CMTM5: variants seen among roughly 807,000 people sequenced by gnomAD.
CMTM5 encodes CKLF-like MARVEL transmembrane domain-containing protein 5.
CMTM5 carries 25 observed loss-of-function variants against 26.9 expected under a neutral mutation model. The observed-to-expected ratio is 0.93, with a 90% CI of 0.68 to 1.30. The LOEUF (loss-of-function observed/expected upper bound fraction) is 1.30. Among genes scored for constraint, CMTM5 ranks in the 50% most tolerant of loss-of-function variants. The probability of loss-of-function intolerance (pLI) is 0.00; values close to 1 mark genes in which losing one functional copy is unlikely to be tolerated. For missense variants in CMTM5, 292 were observed against 289.6 expected (o/e 1.01, Z -0.06); for synonymous variants, 98 against 115.5 (o/e 0.85, Z 0.97).
rs774174940 is a variant in CMTM5 at position 23,378,894 on chromosome 14, G to A, written c.480+25G>A. On this transcript the variant is annotated intron_variant, in intron 3 of 5. Coordinates refer to ENST00000339180, the MANE Select transcript of CMTM5 (RefSeq NM_001288746.2). The surrounding 1 kb of genome is among the most constrained non-coding windows in gnomAD (Gnocchi z 4.2). ...TGTGAGCGCTCTGTCTCTTGAATGT[G>A]CTTCATATTGTGTGAGGGGTATCCT... is the stretch of plus-strand genomic sequence containing the variant. The A allele has an allele frequency of 6.2e-7, 1 of 1,611,720 alleles. No individual in the cohort carries two copies.
intron 5 of CMTM5, 26 bp from the exon 6 acceptor site, chr14:23,379,448 G>C (rs1410193433): frequency 6.2e-7 from 1 of 1,613,946 alleles, no homozygotes; most frequent in Non-Finnish European, 8.5e-7. Flanking sequence ...CCTGATGTGG[G>C]TCCCTACCTG....
rs529542865 is a variant in CMTM5, at chr14:23,378,063, C to T, written c.127-286C>T. ...CCAGGGGCTGGCATTCACACTGTACCTATGAATTACTGTGGGATAGTGCTC... is the reference window on the plus strand; with the variant it reads ...CCAGGGGCTGGCATTCACACTGTACTTATGAATTACTGTGGGATAGTGCTC... On this transcript the variant is annotated intron_variant, in intron 1 of 5. Transcript: ENST00000339180. This position sits in a 1 kb window ranked among gnomAD's most constrained non-coding sequence, Gnocchi z 4.2. The T allele has an allele frequency of 7.4e-5, 35 of 474,126 alleles. 2 individuals are homozygous for T. The South Asian group carries it at 8.5e-4, about 12-fold the overall frequency. The allele number at this position is 474,126 out of a possible 1,614,324, so 29.4% of individuals were successfully genotyped here.
chr14:23,377,282 CACCCTGAGG>C lies in CMTM5; in HGVS notation c.33_41del (p.His11_Glu14delinsGln). 2 of 1,612,340 alleles carry C rather than the reference CACCCTGAGG, an allele frequency of 1.2e-6. No homozygotes were observed. Among genetic ancestry groups the C allele is most frequent in the Non-Finnish European group, 1.7e-6 (2 of 1,179,282 alleles). ...CAGTGCTCGAGATCGCCGGGACCGG[CACCCTGAGG>C]AGGGGGTAGTTGCAGAGCTCCAGGG... On this transcript the variant is annotated inframe_deletion, in exon 1 of 6. Transcript: ENST00000339180. This position sits in a 1 kb window ranked among gnomAD's most constrained non-coding sequence, Gnocchi z 4.6.
In CMTM5 at chr14:23,377,697, C is replaced by A. The variant is rs56182801; in HGVS notation, c.126+320C>A. 1.4e-5 allele frequency: 4 copies of A among 289,956 alleles called. No homozygotes were observed. The Admixed American group carries it at 1.9e-4, about 14-fold the overall frequency. 18.0% of individuals were successfully genotyped at this position (289,956 alleles called of 1,614,324 possible). A position where few individuals can be genotyped will look rare whatever the true frequency, so the allele number is the denominator to read the frequency against. On this transcript the variant is annotated intron_variant, in intron 1 of 5. Transcript: ENST00000339180. This position sits in a 1 kb window ranked among gnomAD's most constrained non-coding sequence, Gnocchi z 4.6. The stretch of plus-strand genomic sequence containing the variant: ...CCTCTAACATGGCCACTTCTCAGCA[C>A]GTCCAAGAAGTCTAACTATCAAAAA...
At position 23,377,265 on chromosome 14, in the gene CMTM5, G is replaced by A. The variant is rs376601940; in HGVS notation, c.14G>A (p.Arg5Gln). 4.3e-5 allele frequency: 70 copies of A among 1,612,272 alleles called. No individual in the cohort carries two copies. In the Middle Eastern group the frequency reaches 8.2e-4, roughly 19 times the overall value. ...GGCCCTACGAAGATGCTCAGTGCTC[G>A]AGATCGCCGGGACCGGCACCCTGAG... MLSA[R>Q]DRRDRHPEEG... is the part of the protein sequence containing the mutation. The change falls in exon 1 of 6, where the codon CGA becomes CAA. Residue 5 changes from arginine (R) to glutamine (Q), a missense_variant. Physicochemically the swap from Arg to Gln is conservative, Grantham distance 43. Transcript: ENST00000339180. This position sits in a 1 kb window ranked among gnomAD's most constrained non-coding sequence, Gnocchi z 4.6.
chr14:23,378,352 C>G lies in CMTM5; in HGVS notation c.130C>G (p.Leu44Val). 1 of 1,614,024 alleles carries G rather than the reference C, an allele frequency of 6.2e-7. No homozygotes were observed. Among genetic ancestry groups the G allele is most frequent in the Non-Finnish European group, 8.5e-7 (1 of 1,179,978 alleles). ...TTCCACATGCTCGGTCCTGCAGGCC[C>G]TGACCCTCATCATCTTCATCTGCTT... The part of the protein sequence containing the change: ...KGILLETELA[L>V]TLIIFICFTA... The change falls in exon 2 of 6, where the codon CTG becomes GTG. Residue 44 changes from leucine to valine, a missense_variant. Leu to Val is a conservative substitution (Grantham distance 32). Coordinates refer to ENST00000339180, the MANE Select transcript of CMTM5 (RefSeq NM_001288746.2). The surrounding 1 kb of genome is among the most constrained non-coding windows in gnomAD (Gnocchi z 4.2).
At position 23,378,069 on chromosome 14, in the gene CMTM5, A is replaced by G. The variant is rs1224790847; in HGVS notation, c.127-280A>G. 2 of 485,038 alleles carry G rather than the reference A, an allele frequency of 4.1e-6. No homozygotes were observed. Among genetic ancestry groups the G allele is most frequent in the Non-Finnish European group, 7.4e-6 (2 of 270,234 alleles). The allele number at this position is 485,038 out of a possible 1,614,324, so 30.0% of individuals were successfully genotyped here. A position where few individuals can be genotyped will look rare whatever the true frequency, so the allele number is the denominator to read the frequency against. On this transcript the variant is annotated intron_variant, in intron 1 of 5. Transcript: ENST00000339180. This position sits in a 1 kb window ranked among gnomAD's most constrained non-coding sequence, Gnocchi z 4.2. ...GCTGGCATTCACACTGTACCTATGAATTACTGTGGGATAGTGCTCCTGGGA... is the reference window on the plus strand; with the variant it reads ...GCTGGCATTCACACTGTACCTATGAGTTACTGTGGGATAGTGCTCCTGGGA...
At chr14:23,377,045 C>T, upstream of CMTM5, 2 of 607,662 alleles carry the variant, frequency 3.3e-6, no homozygotes, top group Non-Finnish European at 5.6e-6. This position sits in a 1 kb window ranked among gnomAD's most constrained non-coding sequence, Gnocchi z 4.6. Flanking sequence ...GCAGCAGAGG[C>T]ACTCTGGGCA....
At position 23,379,691 on chromosome 14, in the gene CMTM5, G is replaced by GTT; in HGVS notation, c.*204_*205insTT. ...TTCTCATGAAGCTCTGGCCAGAGGA[G>GTT]GGGAACTTATTGGGGGAGGGGGGGT... On this transcript the variant is annotated 3_prime_UTR_variant, in exon 6 of 6. Coordinates refer to ENST00000339180, the MANE Select transcript of CMTM5 (RefSeq NM_001288746.2). 1 of 1,328,778 alleles carries GTT rather than the reference G, an allele frequency of 7.5e-7. No individual in the cohort carries two copies. Among genetic ancestry groups the GTT allele is most frequent in the Non-Finnish European group, 9.9e-7 (1 of 1,007,362 alleles). The allele number at this position is 1,328,778 out of a possible 1,614,324, so 82.3% of individuals were successfully genotyped here.
At position 23,379,515 on chromosome 14, in the gene CMTM5, A is replaced by G. The variant is rs1392732901; in HGVS notation, c.*28A>G. 3 of 1,612,680 alleles carry G rather than the reference A, an allele frequency of 1.9e-6. No homozygotes were observed. In the Admixed American group the frequency reaches 5.0e-5, roughly 27 times the overall value. On this transcript the variant is annotated 3_prime_UTR_variant, in exon 6 of 6. Transcript: ENST00000339180. The stretch of plus-strand genomic sequence containing the variant: ...CTGGGGCTACCTGGCTCCTAGGCCC[A>G]GCCAGCCAGAGAGGACAGTGGAGCC...
rs374724870 is a variant in CMTM5 at position 23,378,875 on chromosome 14, C to A, written c.480+6C>A. On this transcript the variant is annotated splice_donor_region_variant and intron_variant, in intron 3 of 5. Transcript: ENST00000339180. The surrounding 1 kb of genome is among the most constrained non-coding windows in gnomAD (Gnocchi z 4.2). ...TCCACTCCCTGGGTAGCAGTGTGAG[C>A]GCTCTGTCTCTTGAATGTGCTTCAT... The A allele has an allele frequency of 6.2e-7, 1 of 1,612,904 alleles. No homozygotes were observed. The highest frequency in any genetic ancestry group is 1.7e-5 in the Admixed American group (1 of 59,906).
In CMTM5 at chr14:23,377,315, G is replaced by C. The variant is rs930495746; in HGVS notation, c.64G>C (p.Gly22Arg). Residue 22 changes from glycine (G) to arginine (R), a missense_variant, in exon 1 of 6, where the codon GGC becomes CGC. Transcript: ENST00000339180. This position sits in a 1 kb window ranked among gnomAD's most constrained non-coding sequence, Gnocchi z 4.6. Reference protein sequence around the residue: ...PEEGVVAELQGFAVDKAFLTS... With the variant: ...PEEGVVAELQRFAVDKAFLTS... ...GGAGGGGGTAGTTGCAGAGCTCCAGGGCTTCGCGGTGGACAAGGCCTTCCT... is the reference window on the plus strand; with the variant it reads ...GGAGGGGGTAGTTGCAGAGCTCCAGCGCTTCGCGGTGGACAAGGCCTTCCT... 1 of 1,611,236 alleles carries C rather than the reference G, an allele frequency of 6.2e-7. No homozygotes were observed. Among genetic ancestry groups the C allele is most frequent in the East Asian group, 2.2e-5 (1 of 44,648 alleles).
Position 23,379,556 on chromosome 14 carries a change from G to A in CMTM5, c.*69G>A. 1.2e-6 allele frequency: 2 copies of A among 1,606,756 alleles called. No individual in the cohort carries two copies. The highest frequency in any genetic ancestry group is 1.1e-5 in the South Asian group (1 of 90,814). ...CAGTGGAGCCCAGACACGTCTCCTT[G>A]GGATTCACTAGCCCCCAGCCCGCCA... is the stretch of plus-strand genomic sequence containing the variant. On this transcript the variant is annotated 3_prime_UTR_variant, in exon 6 of 6. Transcript: ENST00000339180.
Position 23,378,266 on chromosome 14 carries a change from G to A in CMTM5, c.127-83G>A, listed in dbSNP as rs1566500096. Reference sequence around the variant, plus strand: ...GACAGGTAGTAGGTGCCAGCCTAGGGGAGCTTCCAAGGAGGGGAAGGCAAA... The same window carrying A: ...GACAGGTAGTAGGTGCCAGCCTAGGAGAGCTTCCAAGGAGGGGAAGGCAAA... On this transcript the variant is annotated intron_variant, in intron 1 of 5. Coordinates refer to ENST00000339180, the MANE Select transcript of CMTM5 (RefSeq NM_001288746.2). This position sits in a 1 kb window ranked among gnomAD's most constrained non-coding sequence, Gnocchi z 4.2. 1.3e-6 allele frequency: 2 copies of A among 1,495,022 alleles called. No homozygotes were observed. The highest frequency in any genetic ancestry group is 2.3e-5 in the East Asian group (1 of 44,046). The allele number at this position is 1,495,022 out of a possible 1,614,324, so 92.6% of individuals were successfully genotyped here.
chr14:23,379,621 G>T lies in CMTM5; in HGVS notation c.*134G>T, dbSNP rs1383743685. The T allele has an allele frequency of 3.4e-6, 5 of 1,492,172 alleles. No homozygotes were observed. The highest frequency in any genetic ancestry group is 4.5e-6 in the Non-Finnish European group (5 of 1,120,664). 92.4% of individuals were successfully genotyped at this position (1,492,172 alleles called of 1,614,324 possible). ...CCTACACAGCAGTCTGGCCTGAGAC[G>T]TCACTGGGGACTTATCTGTGGAGCC... is the stretch of plus-strand genomic sequence containing the variant. On this transcript the variant is annotated 3_prime_UTR_variant, in exon 6 of 6. Coordinates refer to ENST00000339180, the MANE Select transcript of CMTM5 (RefSeq NM_001288746.2).
At position 23,377,557 on chromosome 14, in the gene CMTM5, C is replaced by CGGGT; in HGVS notation, c.126+182_126+183insGTGG. 3 of 610,358 alleles carry CGGGT rather than the reference C, an allele frequency of 4.9e-6. No individual in the cohort carries two copies. The highest frequency in any genetic ancestry group is 7.8e-6 in the Non-Finnish European group (3 of 382,324). The allele number at this position is 610,358 out of a possible 1,614,324, so 37.8% of individuals were successfully genotyped here. A position where few individuals can be genotyped will look rare whatever the true frequency, so the allele number is the denominator to read the frequency against. ...TCTGCCTTCTTGCTGCCTCTCCACC[C>CGGGT]GGAGACATTTACAGCAGGTTTCAGT... On this transcript the variant is annotated intron_variant, in intron 1 of 5. Transcript: ENST00000339180. This position sits in a 1 kb window ranked among gnomAD's most constrained non-coding sequence, Gnocchi z 4.6.
chr14:23,377,288 G>C lies in CMTM5; in HGVS notation c.37G>C (p.Glu13Gln), dbSNP rs1346763491. The change falls in exon 1 of 6, where the codon GAG (glutamate) becomes CAG (glutamine). Residue 13 changes from glutamate to glutamine, a missense_variant. Glu to Gln is a conservative substitution (Grantham distance 29). Transcript: ENST00000339180. The surrounding 1 kb of genome is among the most constrained non-coding windows in gnomAD (Gnocchi z 4.6). ...TCGAGATCGCCGGGACCGGCACCCT[G>C]AGGAGGGGGTAGTTGCAGAGCTCCA... ...SARDRRDRHP[E>Q]EGVVAELQGF... The C allele has an allele frequency of 6.2e-7, 1 of 1,612,616 alleles. No homozygotes were observed. Among genetic ancestry groups the C allele is most frequent in the Non-Finnish European group, 8.5e-7 (1 of 1,179,400 alleles).
chr14:23,378,335 G>A lies in CMTM5; in HGVS notation c.127-14G>A. On this transcript the variant is annotated splice_polypyrimidine_tract_variant and intron_variant, in intron 1 of 5. Coordinates refer to ENST00000339180, the MANE Select transcript of CMTM5 (RefSeq NM_001288746.2). This position sits in a 1 kb window ranked among gnomAD's most constrained non-coding sequence, Gnocchi z 4.2. ...GTCCCCTTCTTGGCATGTTCCACAT[G>A]CTCGGTCCTGCAGGCCCTGACCCTC... 6.2e-7 allele frequency: 1 copy of A among 1,613,490 alleles called. No homozygotes were observed.
chr14:23,378,637 A>C lies in CMTM5; in HGVS notation c.280-32A>C. ...TGTCCCATGCTATGCCCTGCACTCAAAGGTGTGCTTTGACTCACACTGATT... is the reference window on the plus strand; with the variant it reads ...TGTCCCATGCTATGCCCTGCACTCACAGGTGTGCTTTGACTCACACTGATT... On this transcript the variant is annotated intron_variant, in intron 2 of 5. Transcript: ENST00000339180. This position sits in a 1 kb window ranked among gnomAD's most constrained non-coding sequence, Gnocchi z 4.2. 1.2e-6 allele frequency: 2 copies of C among 1,612,364 alleles called. No individual in the cohort carries two copies. The highest frequency in any genetic ancestry group is 2.2e-5 in the South Asian group (2 of 91,016).
Sources: allele counts gnomAD v4.1 joint callset, GRCh38; gene constraint gnomAD v4.1.1; non-coding constraint Gnocchi (gnomAD v3.1); transcripts MANE v1.5; gene names NCBI Gene and HGNC (gene_info 2026-07-23, HGNC 2026-07-21).